MPPED2: variants seen among roughly 807,000 people sequenced by gnomAD.
MPPED2 encodes metallophosphoesterase MPPED2.
A neutral mutation model predicts 33.0 loss-of-function variants in MPPED2; 5 were observed. That is an observed-to-expected ratio of 0.15 (90% confidence interval 0.08 to 0.32). The LOEUF (loss-of-function observed/expected upper bound fraction) is 0.32, where lower values mean the gene tolerates loss of function less well. MPPED2 is among the 10% of genes least tolerant of loss of function. The pLI is 1.00. For missense variants in MPPED2, 275 were observed against 372.1 expected (o/e 0.74, Z 2.15); for synonymous variants, 136 against 141.9 (o/e 0.96, Z 0.29).
chr11:30,449,727 G>A, intron 4 of MPPED2, among the ~76,000 whole-genome samples: 1 of 152,162 alleles, frequency 6.6e-6, no homozygotes, highest in Non-Finnish European at 1.5e-5. Flanking sequence ...ACTTCCATTT[G>A]TGATGGTGGT....
intron 4 of MPPED2, among the ~76,000 whole-genome samples, chr11:30,494,146 A>C (rs1397637141): frequency 6.6e-6 from 1 of 152,242 alleles, no homozygotes; most frequent in Non-Finnish European, 1.5e-5. Flanking sequence ...AAGGGCTTCA[A>C]AATCTATATT....
chr11:30,538,515 G>A (rs1954932445), intron 2 of MPPED2, among the ~76,000 whole-genome samples: 1 of 152,010 alleles, frequency 6.6e-6, no homozygotes, highest in Non-Finnish European at 1.5e-5. Context: ...GACATTATGG[G>A]GAACACTAGG....
At chr11:30,522,691 C>T (rs7946999) in intron 3 of MPPED2, among the ~76,000 whole-genome samples, 3,199 of 152,266 alleles carry the variant, frequency 0.021, 110 homozygotes, top group African/African-American at 0.072. Context: ...GCCTGCCCTG[C>T]GTGTGGGAAT....
chr11:30,388,890 T>C, exon 7 of MPPED2: 2 of 1,562,020 alleles, frequency 1.3e-6, no homozygotes, highest in Non-Finnish European at 1.7e-6. Context: ...TCCTCTAGAC[T>C]AGGAAGTTTT....
chr11:30,549,252 C>A (rs1293498208), intron 2 of MPPED2, among the ~76,000 whole-genome samples: 3 of 152,294 alleles, frequency 2.0e-5, no homozygotes, highest in African/African-American at 7.2e-5. Flanking sequence ...GGTTATATGT[C>A]ATTTCTACAT....
At chr11:30,390,061 C>G (rs1310160160) in intron 6 of MPPED2, among the ~76,000 whole-genome samples, 1 of 152,140 alleles carries the variant, frequency 6.6e-6, no homozygotes, top group African/African-American at 2.4e-5. Flanking sequence ...ATGTAAGTGT[C>G]GAAATGCAGG....
intron 4 of MPPED2, among the ~76,000 whole-genome samples, chr11:30,447,256 C>G (rs1476431323): frequency 6.6e-6 from 1 of 152,178 alleles, no homozygotes; most frequent in Non-Finnish European, 1.5e-5. Context: ...CATACAAGTT[C>G]GTAACTTCCG....
At chr11:30,515,694 T>C (rs1953494752) in intron 3 of MPPED2, among the ~76,000 whole-genome samples, 2 of 152,180 alleles carry the variant, frequency 1.3e-5, no homozygotes, top group Admixed American at 1.3e-4. Context: ...GCTTCCTAAA[T>C]CCTACAGGAC....
chr11:30,580,637 A>G, intron 1 of MPPED2, 143 bp from the exon 2 acceptor site: 1 of 755,164 alleles, frequency 1.3e-6, no homozygotes, highest in East Asian at 2.9e-5. Context: ...AACTGTTCCC[A>G]ACTCTCTTCC....
At chr11:30,505,921 A>C (rs940197314) in intron 3 of MPPED2, among the ~76,000 whole-genome samples, 49 of 152,364 alleles carry the variant, frequency 3.2e-4, no homozygotes, top group African/African-American at 1.2e-3. Flanking sequence ...TCAGGAAAAA[A>C]GAAAAAGAAT....
chr11:30,484,448 C>A (rs1419632108), intron 4 of MPPED2, among the ~76,000 whole-genome samples: 1 of 152,072 alleles, frequency 6.6e-6, no homozygotes, highest in Non-Finnish European at 1.5e-5. Context: ...TGAATTAATG[C>A]AGATTTGTAG....
chr11:30,402,624 G>A (rs1947924728), intron 6 of MPPED2, among the ~76,000 whole-genome samples: 1 of 152,136 alleles, frequency 6.6e-6, no homozygotes, highest in Non-Finnish European at 1.5e-5. Flanking sequence ...AAATCTAAAG[G>A]TTCATTCAGT....
intron 3 of MPPED2, 31 bp downstream of exon 3, chr11:30,535,963 T>C (rs765094187): frequency 3.9e-6 from 6 of 1,553,256 alleles, no homozygotes; most frequent in Non-Finnish European, 3.5e-6. Context: ...GAAAGGTTAA[T>C]TGGGGCCGCC....
chr11:30,512,786 A>G (rs1953294818), intron 3 of MPPED2, among the ~76,000 whole-genome samples: 2 of 152,194 alleles, frequency 1.3e-5, no homozygotes, highest in Admixed American at 1.3e-4. Flanking sequence ...TGATCACCCA[A>G]GGTCAGGAGT....
At chr11:30,566,153 G>A (rs977637390) in intron 2 of MPPED2, among the ~76,000 whole-genome samples, 19 of 152,248 alleles carry the variant, frequency 1.2e-4, no homozygotes, top group Middle Eastern at 3.4e-3. Context: ...CACATATTAG[G>A]AGCAGTTGTC....
At chr11:30,483,762 G>A (rs1337869326) in intron 4 of MPPED2, among the ~76,000 whole-genome samples, 1 of 151,974 alleles carries the variant, frequency 6.6e-6, no homozygotes, top group Non-Finnish European at 1.5e-5. Flanking sequence ...CTAGAACCAT[G>A]GCGCTCCAAA....
intron 3 of MPPED2, among the ~76,000 whole-genome samples, chr11:30,509,415 T>A (rs1484819537): frequency 6.6e-6 from 1 of 152,172 alleles, no homozygotes; most frequent in South Asian, 2.1e-4. Context: ...AGAGGAGTAA[T>A]CAATAGATGG....
At chr11:30,585,661 G>A (rs982127196) in intron 1 of MPPED2, among the ~76,000 whole-genome samples, 1 of 152,172 alleles carries the variant, frequency 6.6e-6, no homozygotes, top group African/African-American at 2.4e-5. Context: ...TCCTGGCGGA[G>A]GAGGGAGCGA....
intron 2 of MPPED2, among the ~76,000 whole-genome samples, chr11:30,561,017 C>A (rs1267655472): frequency 2.0e-5 from 3 of 152,302 alleles, no homozygotes; most frequent in Non-Finnish European, 4.4e-5. Context: ...TAATCGTTAG[C>A]TGAGGTGTTC....
Sources: allele counts gnomAD v4.1 joint callset (sites outside exome capture counted in the v4.1 genomes callset), GRCh38; gene constraint gnomAD v4.1.1; transcripts MANE v1.5; gene names NCBI Gene and HGNC (gene_info 2026-07-23, HGNC 2026-07-21).